Variants in SEPTIN10 observed in about 807,000 individuals in gnomAD.
SEPTIN10 encodes the protein septin-10.
SEPTIN10 carries 66 observed loss-of-function variants against 54.8 expected under a neutral mutation model. The observed-to-expected ratio is 1.21, with a 90% CI of 0.99 to 1.48. The LOEUF (loss-of-function observed/expected upper bound fraction) is 1.48. SEPTIN10 is among the 40% of genes most tolerant of loss of function. The probability of loss-of-function intolerance (pLI) is 0.00; values close to 1 mark genes in which losing one functional copy is unlikely to be tolerated. For missense variants in SEPTIN10, 620 were observed against 545.6 expected (o/e 1.14, Z -1.36); for synonymous variants, 161 against 181.0 (o/e 0.89, Z 0.89).
chr2:109,575,439 T>A (rs1689473489), intron 4 of SEPTIN10, among the ~76,000 whole-genome samples: 2 of 152,202 alleles, frequency 1.3e-5, no homozygotes, highest in Admixed American at 6.5e-5. Flanking sequence ...TATTTAATTA[T>A]AAACAAAGGA....
chr2:109,591,535 T>C lies in SEPTIN10; in HGVS notation c.99+1516A>G, dbSNP rs1049265013. Among the ~76,000 whole-genome samples the C allele has an allele frequency of 5.3e-5, 8 of 152,138 alleles. No individual in the cohort carries two copies. In the South Asian group the frequency reaches 6.2e-4, roughly 12 times the overall value. On this transcript the variant is annotated intron_variant, in intron 2 of 10. Transcript: ENST00000397712. ...ATAGACTGTTAGTACCATTGATATA[T>C]GGAGAAAGAGGGAAAAACAAGAGAC...
intron 9 of SEPTIN10, 77 bp downstream of exon 9, chr2:109,553,010 A>AAG: frequency 6.5e-7 from 1 of 1,538,308 alleles, no homozygotes; most frequent in Non-Finnish European, 8.8e-7. Context: ...GTCTCAAGCA[A>AAG]ATTCTTGGAA....
intron 10 of SEPTIN10, chr2:109,545,237 T>C (rs1680881810): frequency 5.2e-6 from 7 of 1,351,794 alleles, no homozygotes; most frequent in Non-Finnish European, 5.7e-6. Flanking sequence ...CAAGGCATGA[T>C]GAATTTCCTC....
At chr2:109,578,684 T>C (rs56003404) in intron 4 of SEPTIN10, among the ~76,000 whole-genome samples, 2 of 152,066 alleles carry the variant, frequency 1.3e-5, no homozygotes, top group African/African-American at 4.8e-5. Flanking sequence ...AGGGAATCGC[T>C]TGAACCTGGG....
At chr2:109,605,931 T>C (rs1035572255) in intron 1 of SEPTIN10, among the ~76,000 whole-genome samples, 2 of 152,186 alleles carry the variant, frequency 1.3e-5, no homozygotes, top group Non-Finnish European at 2.9e-5. Context: ...TAGAATTAAC[T>C]GTATAGTAGC....
In SEPTIN10 at chr2:109,607,497, T is replaced by C. The variant is rs535458407; in HGVS notation, c.30+6301A>G. Reference sequence around the variant, plus strand: ...TCTTGGGAGGACAAAAATAAATAAATAAACAAATGGTCTGTGGCCCTCACC... The same window carrying C: ...TCTTGGGAGGACAAAAATAAATAAACAAACAAATGGTCTGTGGCCCTCACC... On this transcript the variant is annotated intron_variant, in intron 1 of 10. Coordinates refer to ENST00000397712, the MANE Select transcript of SEPTIN10 (RefSeq NM_144710.5). 5.9e-5 allele frequency among the ~76,000 whole-genome samples: 9 copies of C among 152,154 alleles called. No individual in the cohort carries two copies. The South Asian group carries it at 6.2e-4, about 11-fold the overall frequency.
chr2:109,544,373 A>G, intron 10 of SEPTIN10, 49 bp from the exon 11 acceptor site: 1 of 1,552,366 alleles, frequency 6.4e-7, no homozygotes, highest in Non-Finnish European at 8.6e-7. Context: ...AAAAAATTCA[A>G]GTAAAAATTA....
At chr2:109,574,336 C>T (rs1393797346) in intron 5 of SEPTIN10, among the ~76,000 whole-genome samples, 1 of 149,972 alleles carries the variant, frequency 6.7e-6, no homozygotes, top group Non-Finnish European at 1.5e-5. Flanking sequence ...GTCCCAGCTA[C>T]CTGGGAAGCT....
At chr2:109,561,971 T>TCAAGGCCAGGAATTCCTGACCC (rs139725275) in intron 8 of SEPTIN10, among the ~76,000 whole-genome samples, 2 of 152,052 alleles carry the variant, frequency 1.3e-5, no homozygotes, top group South Asian at 4.2e-4. Context: ...CCCCAGGAAT[T>TCAAGGCCAGGAATTCCTGACCC]CAAGGCCAGG....
At chr2:109,590,063 T>C (rs1693613545) in intron 2 of SEPTIN10, among the ~76,000 whole-genome samples, 1 of 148,534 alleles carries the variant, frequency 6.7e-6, no homozygotes, top group Non-Finnish European at 1.5e-5. Flanking sequence ...TGTGTATATA[T>C]ATACACACAC....
intron 4 of SEPTIN10, among the ~76,000 whole-genome samples, chr2:109,578,439 C>G (rs1201740163): frequency 6.6e-6 from 1 of 152,132 alleles, no homozygotes; most frequent in African/African-American, 2.4e-5. Context: ...GTCAATGCTT[C>G]AGGATAAAAT....
In SEPTIN10 at chr2:109,585,818, C is replaced by G; in HGVS notation, c.120G>C (p.Ser40=). Residue 40 remains serine (S), a synonymous_variant, in exon 3 of 11, where the codon TCG becomes TCC. Coordinates refer to ENST00000397712, the MANE Select transcript of SEPTIN10 (RefSeq NM_144710.5). ...DEQIKRENIR[S]LTMSGHVGFE... ...AACCAACATGGCCAGACATAGTCAA[C>G]GAACGAATGTTTTCTCTTTTCTGAA... is the stretch of plus-strand genomic sequence containing the variant. The G allele has an allele frequency of 6.2e-7, 1 of 1,613,390 alleles. No individual in the cohort carries two copies. The highest frequency in any genetic ancestry group is 8.5e-7 in the Non-Finnish European group (1 of 1,179,660).
chr2:109,564,305 TAAA>T (rs1395496119), intron 8 of SEPTIN10, 58 bp downstream of exon 8: 1 of 1,395,762 alleles, frequency 7.2e-7, no homozygotes, highest in East Asian at 2.4e-5. Context: ...CCTGGATATA[TAAA>T]AATATGCAAT....
At chr2:109,557,754 T>C (rs1191556391) in intron 8 of SEPTIN10, among the ~76,000 whole-genome samples, 1 of 152,208 alleles carries the variant, frequency 6.6e-6, no homozygotes, top group Admixed American at 6.5e-5. Context: ...AATGCAATCA[T>C]TGTTTCTTAT....
chr2:109,562,293 C>T (rs901299887), intron 8 of SEPTIN10, among the ~76,000 whole-genome samples: 1 of 151,602 alleles, frequency 6.6e-6, no homozygotes, highest in Non-Finnish European at 1.5e-5. Context: ...TGTCACTACC[C>T]CTCTCTTTCA....
At chr2:109,568,750 A>C (rs1265012880) in intron 5 of SEPTIN10, among the ~76,000 whole-genome samples, 1 of 152,142 alleles carries the variant, frequency 6.6e-6, no homozygotes, top group Non-Finnish European at 1.5e-5. Context: ...AGCAAAACTA[A>C]AAGACAGGTG....
intron 1 of SEPTIN10, among the ~76,000 whole-genome samples, chr2:109,603,650 T>C (rs1377500263): frequency 1.3e-5 from 2 of 152,096 alleles, no homozygotes; most frequent in Non-Finnish European, 2.9e-5. Context: ...CTTAGTACAA[T>C]TGGGAGACAT....
intron 8 of SEPTIN10, among the ~76,000 whole-genome samples, chr2:109,561,861 T>C (rs1398338767): frequency 6.6e-6 from 1 of 152,134 alleles, no homozygotes; most frequent in East Asian, 1.9e-4. Context: ...TCAAATTACA[T>C]ATCCTTAGCC....
At chr2:109,561,341 C>T (rs770561594) in intron 8 of SEPTIN10, among the ~76,000 whole-genome samples, 13 of 152,080 alleles carry the variant, frequency 8.5e-5, no homozygotes, top group Non-Finnish European at 1.8e-4. Flanking sequence ...ATTTGGAACC[C>T]CCCCACCCAC....
Sources: gnomAD v4.1 joint callset for allele counts (sites outside exome capture counted in the v4.1 genomes callset) on GRCh38, gnomAD v4.1.1 for gene constraint, MANE v1.5 for transcripts, NCBI Gene and HGNC (gene_info 2026-07-23, HGNC 2026-07-21) for gene names.